Variants in GSE1 observed in about 807,000 individuals in gnomAD.
GSE1 encodes the protein genetic suppressor element 1.
GSE1 carries 32 observed loss-of-function variants against 112.6 expected under a neutral mutation model. That is an observed-to-expected ratio of 0.28 (90% CI 0.21 to 0.38). GSE1 has a LOEUF of 0.38. GSE1 is among the 10% of genes least tolerant of loss of function. The probability of loss-of-function intolerance (pLI) is 1.00; values close to 1 mark genes in which losing one functional copy is unlikely to be tolerated. For missense variants in GSE1, 2,348 were observed against 1,699.2 expected (o/e 1.38, Z -6.71); for synonymous variants, 1,115 against 735.6 (o/e 1.52, Z -8.35).
chr16:85,517,040 A>G (rs1350086258), intron 2 of GSE1, among the ~76,000 whole-genome samples: 4 of 152,138 alleles, frequency 2.6e-5, no homozygotes, highest in Non-Finnish European at 5.9e-5. Flanking sequence ...CTCATGATCC[A>G]GCCATCTCGG....
At chr16:85,314,488 G>A (rs1474602796) in intron 1 of GSE1, among the ~76,000 whole-genome samples, 3 of 152,154 alleles carry the variant, frequency 2.0e-5, no homozygotes, top group African/African-American at 7.2e-5. Context: ...GGGCTTGGAG[G>A]TGGCCAGGCT....
intron 1 of GSE1, among the ~76,000 whole-genome samples, chr16:85,270,504 A>G (rs1004457710): frequency 2.0e-5 from 3 of 148,502 alleles, no homozygotes; most frequent in Non-Finnish European, 3.0e-5. Context: ...AGATTTTTCC[A>G]TTTGCATCCT....
chr16:85,489,857 G>A (rs1213061295), intron 2 of GSE1: 1 of 152,252 alleles, frequency 6.6e-6, no homozygotes, highest in South Asian at 2.1e-4. Flanking sequence ...GTTTTTAGGA[G>A]AAGAGGAGAG....
In GSE1 at chr16:85,197,191, T is replaced by C. The variant is rs1364802664; in HGVS notation, c.2283+25384T>C. ...GGAAGCCAGACACAGGGACGGGCAG[T>C]TCAGAACGGTGGACCCAGAGCCACT... On this transcript the variant is annotated intron_variant, in intron 1 of 2. Coordinates refer to the GSE1 transcript ENST00000637419. Among the ~76,000 whole-genome samples the C allele has an allele frequency of 2.0e-5, 3 of 151,878 alleles. No homozygotes were observed. The East Asian group carries it at 5.8e-4, about 29-fold the overall frequency.
rs766109880 is a variant in GSE1 at position 85,648,791 on chromosome 16, G to C, written c.426+40G>C. The C allele has an allele frequency of 2.4e-6, 3 of 1,249,872 alleles. No homozygotes were observed. The South Asian group carries it at 4.3e-5, about 18-fold the overall frequency. The allele number at this position is 1,249,872 out of a possible 1,614,324, so 77.4% of individuals were successfully genotyped here. On this transcript the variant is annotated intron_variant, in intron 3 of 15. Coordinates refer to ENST00000253458, the MANE Select transcript of GSE1 (RefSeq NM_014615.5). Reference sequence around the variant, plus strand: ...GCAGGGAGCCTAGCGTCCTCTAAGTGGGGAGGCTGGATTCAGGCATCCATT... The same window carrying C: ...GCAGGGAGCCTAGCGTCCTCTAAGTCGGGAGGCTGGATTCAGGCATCCATT...
chr16:85,327,241 C>T (rs773134563), intron 1 of GSE1, among the ~76,000 whole-genome samples: 3 of 152,246 alleles, frequency 2.0e-5, no homozygotes, highest in East Asian at 1.9e-4. Context: ...ACTTCTACCA[C>T]GTGCTATTAG....
chr16:85,414,456 G>C (rs952246340), intron 2 of GSE1, among the ~76,000 whole-genome samples: 1 of 152,110 alleles, frequency 6.6e-6, no homozygotes, highest in Non-Finnish European at 1.5e-5. Flanking sequence ...TTTCTATTCT[G>C]TTTTGTGCCA....
intron 1 of GSE1, among the ~76,000 whole-genome samples, chr16:85,354,551 G>A (rs1005141667): frequency 1.3e-5 from 2 of 152,234 alleles, no homozygotes; most frequent in Non-Finnish European, 2.9e-5. Flanking sequence ...CTCCACCCCA[G>A]GAGGGGCCTC....
intron 1 of GSE1, among the ~76,000 whole-genome samples, chr16:85,229,351 G>A (rs1174441850): frequency 1.3e-5 from 2 of 152,198 alleles, no homozygotes; most frequent in African/African-American, 2.4e-5. Context: ...TGTCAAGGCC[G>A]GGAGCGGGCT....
Position 85,656,391 on chromosome 16 carries a change from G to T in GSE1, c.1038G>T (p.Glu346Asp). 6.3e-7 allele frequency: 1 copy of T among 1,579,766 alleles called. No homozygotes were observed. Reference sequence around the variant, plus strand: ...GGCGGGAGAGGGAGCGCGAGCGCGAGCGCGAGCGTGAGCGTGAGGCTGACC... The same window carrying T: ...GGCGGGAGAGGGAGCGCGAGCGCGATCGCGAGCGTGAGCGTGAGGCTGACC... ...ELRRERERER[E>D]REREREADRE... The change falls in exon 7 of 16, where the codon GAG becomes GAT. Residue 346 changes from glutamate to aspartate, a missense_variant. Glu to Asp is a conservative substitution (Grantham distance 45, BLOSUM62 2). Coordinates refer to ENST00000253458, the MANE Select transcript of GSE1 (RefSeq NM_014615.5).
chr16:85,563,754 C>G (rs1355836347), intron 1 of GSE1, among the ~76,000 whole-genome samples: 1 of 152,230 alleles, frequency 6.6e-6, no homozygotes, highest in Non-Finnish European at 1.5e-5. Context: ...AGTCACGGAA[C>G]ATTGGACTTG....
At chr16:85,523,800 G>A (rs907124918) in intron 2 of GSE1, among the ~76,000 whole-genome samples, 8 of 152,258 alleles carry the variant, frequency 5.3e-5, no homozygotes, top group Non-Finnish European at 1.0e-4. Context: ...GAGAGGGGCT[G>A]GCCCTCAGGC....
chr16:85,545,295 T>C (rs1276868206), intron 2 of GSE1, among the ~76,000 whole-genome samples: 1 of 152,208 alleles, frequency 6.6e-6, no homozygotes, highest in South Asian at 2.1e-4. Context: ...GTAAAACCAT[T>C]ATTTTAAAGA....
chr16:85,475,327 C>G (rs1281152906), intron 2 of GSE1, among the ~76,000 whole-genome samples: 3 of 152,222 alleles, frequency 2.0e-5, no homozygotes, highest in Non-Finnish European at 4.4e-5. Context: ...GGGGGCCCCT[C>G]AGGGCTGCCT....
At chr16:85,569,490 C>T (rs1018740680) in intron 1 of GSE1, among the ~76,000 whole-genome samples, 1 of 152,220 alleles carries the variant, frequency 6.6e-6, no homozygotes, top group African/African-American at 2.4e-5. Flanking sequence ...GGATAATTTT[C>T]CTGAGGCTGC....
At chr16:85,452,907 C>A (rs900365695) in intron 2 of GSE1, among the ~76,000 whole-genome samples, 2 of 151,396 alleles carry the variant, frequency 1.3e-5, no homozygotes, top group African/African-American at 2.5e-5. Context: ...ACTGGGTGGT[C>A]GCTCGGTGCC....
intron 2 of GSE1, among the ~76,000 whole-genome samples, chr16:85,465,812 C>T (rs2050106611): frequency 6.6e-6 from 1 of 152,376 alleles, no homozygotes; most frequent in Middle Eastern, 3.4e-3. Context: ...ATCTTCCAAG[C>T]TACTGAGTAT....
At chr16:85,489,620 C>T (rs1383368968) in intron 2 of GSE1, among the ~76,000 whole-genome samples, 8 of 151,956 alleles carry the variant, frequency 5.3e-5, no homozygotes, top group South Asian at 2.1e-4. Context: ...AGTTGCTACG[C>T]GGCCCGCGCC....
chr16:85,660,926 G>A (rs547995377), intron 8 of GSE1, among the ~76,000 whole-genome samples: 1 of 152,106 alleles, frequency 6.6e-6, no homozygotes, highest in African/African-American at 2.4e-5. Context: ...CACTGCGCCC[G>A]GCCGAGTCTT....
Sources: gnomAD v4.1 joint callset for allele counts (sites outside exome capture counted in the v4.1 genomes callset) on GRCh38, gnomAD v4.1.1 for gene constraint, MANE v1.5 for transcripts, NCBI Gene and HGNC (gene_info 2026-07-23, HGNC 2026-07-21) for gene names.